ANKRD20A1: variants seen among roughly 807,000 people sequenced by gnomAD.
ANKRD20A1 encodes the protein ankyrin repeat domain-containing protein 20A1.
ANKRD20A1 carries 2 observed loss-of-function variants against 50.9 expected under a neutral mutation model. The ratio of observed to expected loss-of-function variants is 0.04; its 90% CI spans 0.02 to 0.12. The LOEUF is 0.12. Ranked by LOEUF, ANKRD20A1 falls within the 10% of genes least tolerant of loss-of-function variation. The pLI, the probability that ANKRD20A1 is intolerant of heterozygous loss-of-function variation, is 1.00. For synonymous variants in ANKRD20A1, 10 were observed against 186.2 expected, an observed-to-expected ratio of 0.05 and a Z score of 7.70; for missense variants, 31 against 548.1, an observed-to-expected ratio of 0.06 and a Z score of 9.42.
intron 13 of ANKRD20A1, among the ~76,000 whole-genome samples, chr9:67,898,352 G>T (rs1335598534): frequency 3.1e-3 from 364 of 117,348 alleles, no homozygotes; most frequent in African/African-American, 0.01. Flanking sequence ...TTTCTGAAGG[G>T]TAACTTAGTG....
At chr9:67,865,115 G>C (rs527870157) in intron 3 of ANKRD20A1, among the ~76,000 whole-genome samples, 93 of 151,350 alleles carry the variant, frequency 6.1e-4, no homozygotes, top group African/African-American at 2.2e-3. Flanking sequence ...AATTAGAATA[G>C]TAGCAAATCC....
chr9:67,892,619 C>CTT (rs774636923), intron 11 of ANKRD20A1, among the ~76,000 whole-genome samples: 1 of 138,780 alleles, frequency 7.2e-6, no homozygotes, highest in Non-Finnish European at 1.6e-5. Flanking sequence ...CATTCTGAGC[C>CTT]TTTTTTTTTC....
At chr9:67,882,906 G>A (rs1384648504) in intron 8 of ANKRD20A1, among the ~76,000 whole-genome samples, 7 of 150,918 alleles carry the variant, frequency 4.6e-5, no homozygotes, top group South Asian at 2.1e-4. Context: ...TTGTCCTTGC[G>A]ATAGTTTGCT....
At position 67,884,491 on chromosome 9, in the gene ANKRD20A1, T is replaced by C. The variant is rs1827843733; in HGVS notation, c.900T>C (p.Cys300=). Residue 300 remains cysteine, a synonymous_variant, in exon 9 of 15, where the codon TGT becomes TGC. Coordinates refer to ENST00000562196, the MANE Select transcript of ANKRD20A1 (RefSeq NM_032250.5). ...DKDLNVATKQ[C]VPEKVSEPLP... ...AATTCTTGATATTACCTTAGCAGTG[T>C]GTCCCCGAGAAAGTGTCAGAGCCTT... is the stretch of plus-strand genomic sequence containing the variant. 1 of 1,586,694 alleles carries C rather than the reference T, an allele frequency of 6.3e-7. No individual in the cohort carries two copies. The highest frequency in any genetic ancestry group is 1.3e-5 in the African/African-American group (1 of 74,360).
chr9:67,859,252 T>C lies in ANKRD20A1; in HGVS notation c.-175T>C. On this transcript the variant is annotated 5_prime_UTR_variant, in exon 1 of 15. Coordinates refer to ENST00000562196, the MANE Select transcript of ANKRD20A1 (RefSeq NM_032250.5). ...GTGGACCGGGCTGGATCGCGGATTG[T>C]GGAGTAGACCATAGATTTGAAATAG... 2 of 499,608 alleles carry C rather than the reference T, an allele frequency of 4.0e-6. 1 individual carries two copies. The highest frequency in any genetic ancestry group is 5.4e-6 in the Non-Finnish European group (2 of 372,538). 30.9% of individuals were successfully genotyped at this position (499,608 alleles called of 1,614,324 possible).
At position 67,860,290 on chromosome 9, in the gene ANKRD20A1, G is replaced by A. The variant is rs1446742838; in HGVS notation, c.203+661G>A. On this transcript the variant is annotated intron_variant, in intron 1 of 14. Transcript: ENST00000562196. ...TCGAACTCCTGACCTCAAGTCATCTGCCCGCCTCCACCTCCCAAAGCGCTG... is the reference window on the plus strand; with the variant it reads ...TCGAACTCCTGACCTCAAGTCATCTACCCGCCTCCACCTCCCAAAGCGCTG... Among the ~76,000 whole-genome samples, 2 of 46,614 alleles carry A rather than the reference G, an allele frequency of 4.3e-5. 1 individual carries two copies. The highest frequency in any genetic ancestry group is 8.4e-5 in the Non-Finnish European group (2 of 23,752). The allele number at this position is 46,614 out of a possible 152,430, so 30.6% of individuals were successfully genotyped here.
intron 7 of ANKRD20A1, among the ~76,000 whole-genome samples, chr9:67,878,541 TA>T (rs1827762805): frequency 9.3e-5 from 1 of 10,706 alleles, no homozygotes; most frequent in African/African-American, 1.7e-4. Context: ...TTTGTTCTAT[TA>T]TTTTTTCAAA....
chr9:67,865,119 C>A (rs1827539188), intron 3 of ANKRD20A1, among the ~76,000 whole-genome samples: 1 of 151,786 alleles, frequency 6.6e-6, no homozygotes, highest in African/African-American at 2.4e-5. Flanking sequence ...AGAATAGTAG[C>A]AAATCCTAAA....
Position 67,889,348 on chromosome 9 carries a change from A to G in ANKRD20A1, c.1081+1880A>G. 2.3e-5 allele frequency among the ~76,000 whole-genome samples: 2 copies of G among 86,364 alleles called. 1 individual carries two copies. Among genetic ancestry groups the G allele is most frequent in the Non-Finnish European group, 5.0e-5 (2 of 40,376 alleles). The allele number at this position is 86,364 out of a possible 152,430, so 56.7% of individuals were successfully genotyped here. A position where few individuals can be genotyped will look rare whatever the true frequency, so the allele number is the denominator to read the frequency against. On this transcript the variant is annotated intron_variant, in intron 11 of 14. Coordinates refer to ENST00000562196, the MANE Select transcript of ANKRD20A1 (RefSeq NM_032250.5). ...CTGAAGGTATTCATGCATTGAGGGAAGATCATCTCAGTTTAATGAAAGCAG... is the reference window on the plus strand; with the variant it reads ...CTGAAGGTATTCATGCATTGAGGGAGGATCATCTCAGTTTAATGAAAGCAG...
At chr9:67,872,725 T>C (rs1827668777) in intron 6 of ANKRD20A1, among the ~76,000 whole-genome samples, 1 of 127,186 alleles carries the variant, frequency 7.9e-6, no homozygotes, top group African/African-American at 2.9e-5. Flanking sequence ...TTGCCTAGGC[T>C]AGAATACAGT....
At chr9:67,882,375 A>C (rs1201264368) in intron 8 of ANKRD20A1, among the ~76,000 whole-genome samples, 1 of 147,718 alleles carries the variant, frequency 6.8e-6, no homozygotes, top group East Asian at 2.2e-4. Flanking sequence ...TAATAATTAA[A>C]TATTGTATTT....
At chr9:67,886,631 A>G (rs566555587) in intron 9 of ANKRD20A1, among the ~76,000 whole-genome samples, 2 of 83,858 alleles carry the variant, frequency 2.4e-5, no homozygotes, top group African/African-American at 7.2e-5. Context: ...CTCTAACTCA[A>G]GGCCAAATGA....
intron 4 of ANKRD20A1, among the ~76,000 whole-genome samples, chr9:67,867,587 G>T (rs1337335777): frequency 2.0e-5 from 3 of 152,402 alleles, no homozygotes; most frequent in Non-Finnish European, 4.4e-5. Context: ...ATAATATACA[G>T]TGTTTGGTAT....
At chr9:67,882,554 T>C (rs1394371100) in intron 8 of ANKRD20A1, among the ~76,000 whole-genome samples, 4 of 150,104 alleles carry the variant, frequency 2.7e-5, no homozygotes, top group East Asian at 2.0e-4. Flanking sequence ...AATCTTAACA[T>C]TGAGATTTTA....
chr9:67,892,740 C>T (rs1390086523), intron 11 of ANKRD20A1, among the ~76,000 whole-genome samples: 2 of 112,642 alleles, frequency 1.8e-5, no homozygotes, highest in African/African-American at 5.8e-5. Flanking sequence ...ATCTTCTCAC[C>T]TAAGCTTCTT....
At chr9:67,885,661 G>C (rs1170837385) in intron 9 of ANKRD20A1, among the ~76,000 whole-genome samples, 1 of 152,300 alleles carries the variant, frequency 6.6e-6, no homozygotes, top group Non-Finnish European at 1.5e-5. Flanking sequence ...AGAAATTGAG[G>C]CTAGGCCAAA....
In ANKRD20A1 at chr9:67,887,213, G is replaced by GA. The variant is rs1179839978; in HGVS notation, c.980-61dup. The stretch of plus-strand genomic sequence containing the variant: ...ATTCAGCTCGATAGTACCACTGCAT[G>GA]AATGTTTGGTTGGCCCTGTCATACT... On this transcript the variant is annotated intron_variant, in intron 9 of 14. Coordinates refer to ENST00000562196, the MANE Select transcript of ANKRD20A1 (RefSeq NM_032250.5). 64 of 166,498 alleles carry GA rather than the reference G, an allele frequency of 3.8e-4. 18 individuals are homozygous for GA. Among genetic ancestry groups the GA allele is most frequent in the Non-Finnish European group, 5.8e-4 (58 of 99,482 alleles). The allele number at this position is 166,498 out of a possible 1,614,324, so 10.3% of individuals were successfully genotyped here.
intron 13 of ANKRD20A1, among the ~76,000 whole-genome samples, chr9:67,898,490 CATTA>C (rs1258076818): frequency 7.9e-6 from 1 of 125,830 alleles, no homozygotes; most frequent in African/African-American, 2.6e-5. Flanking sequence ...AATTAACATG[CATTA>C]ATTATATATT....
chr9:67,876,417 AG>A (rs1827728637), intron 6 of ANKRD20A1, among the ~76,000 whole-genome samples: 1 of 138,834 alleles, frequency 7.2e-6, no homozygotes, highest in African/African-American at 2.7e-5. Flanking sequence ...CACATCATAT[AG>A]TACTGTCCAG....
Sources: allele counts gnomAD v4.1 joint callset (sites outside exome capture counted in the v4.1 genomes callset), GRCh38; gene constraint gnomAD v4.1.1; transcripts MANE v1.5; gene names NCBI Gene and HGNC (gene_info 2026-07-23, HGNC 2026-07-21).